NAA60: variants seen among roughly 807,000 people sequenced by gnomAD.
The protein encoded by NAA60 is N-alpha-acetyltransferase 60.
NAA60 carries 8 observed loss-of-function variants against 26.1 expected under a neutral mutation model. The observed-to-expected ratio is 0.31, with a 90% CI of 0.18 to 0.55. NAA60 has a LOEUF of 0.55. NAA60 is among the 20% of genes least tolerant of loss of function. The pLI, the probability that NAA60 is intolerant of heterozygous loss-of-function variation, is 0.93. For synonymous variants in NAA60, 131 were observed against 122.5 expected (o/e 1.07, Z -0.46); for missense variants, 290 against 311.3 (o/e 0.93, Z 0.51).
At chr16:3,457,774 C>T (rs931076777) in intron 2 of NAA60, among the ~76,000 whole-genome samples, 2 of 152,352 alleles carry the variant, frequency 1.3e-5, no homozygotes, top group South Asian at 2.1e-4. Flanking sequence ...GGCGTCCGCA[C>T]ACGCTAGGCC....
At chr16:3,449,992 C>A in intron 2 of NAA60, 1 of 398,130 alleles carries the variant, frequency 2.5e-6, no homozygotes, top group South Asian at 1.3e-4. Flanking sequence ...TCAGGTATGT[C>A]TTTATCAGCA....
At chr16:3,458,758 C>T (rs1165241641) in intron 2 of NAA60, among the ~76,000 whole-genome samples, 1 of 152,176 alleles carries the variant, frequency 6.6e-6, no homozygotes, top group African/African-American at 2.4e-5. Flanking sequence ...AAGACAAATT[C>T]CTTACGTTCC....
At chr16:3,475,756 C>G (rs991765258) in intron 2 of NAA60, among the ~76,000 whole-genome samples, 1 of 152,248 alleles carries the variant, frequency 6.6e-6, no homozygotes, top group Non-Finnish European at 1.5e-5. Flanking sequence ...CCCTGCAAAT[C>G]CAGCCGTTCA....
chr16:3,453,573 T>C (rs891063328), intron 2 of NAA60, among the ~76,000 whole-genome samples: 1 of 152,116 alleles, frequency 6.6e-6, no homozygotes, highest in Admixed American at 6.5e-5. Flanking sequence ...CACGCCTGGC[T>C]AATTTTGTAT....
intron 2 of NAA60, among the ~76,000 whole-genome samples, chr16:3,455,392 T>TTTG (rs1452262712): frequency 4.9e-5 from 7 of 143,422 alleles, no homozygotes; most frequent in South Asian, 2.3e-4. Flanking sequence ...TTTAGTTTTT[T>TTTG]TTTTTTTTTT....
intron 2 of NAA60, among the ~76,000 whole-genome samples, 199 bp from the exon 3 acceptor site, chr16:3,476,023 C>G (rs2036456722): frequency 6.6e-6 from 1 of 152,212 alleles, no homozygotes; most frequent in Non-Finnish European, 1.5e-5. Context: ...CCCTCCTGGG[C>G]CTGGGTCTTC....
chr16:3,448,556 C>G lies in NAA60; in HGVS notation c.-7+16C>G, dbSNP rs1180398003. On this transcript the variant is annotated intron_variant, in intron 2 of 7. Transcript: ENST00000407558. The stretch of plus-strand genomic sequence containing the variant: ...GCTCCAGAGAGTGAGTCAAAGCGCT[C>G]TGTGTCCTGCTATTAATGATGCCCT... The G allele has an allele frequency of 2.6e-6, 4 of 1,533,392 alleles. No homozygotes were observed. The highest frequency in any genetic ancestry group is 1.4e-5 in the African/African-American group (1 of 72,986). 95.0% of individuals were successfully genotyped at this position (1,533,392 alleles called of 1,614,324 possible).
At chr16:3,465,161 G>A (rs2035661566) in intron 2 of NAA60, among the ~76,000 whole-genome samples, 1 of 151,938 alleles carries the variant, frequency 6.6e-6, no homozygotes, top group Non-Finnish European at 1.5e-5. Flanking sequence ...CAGCTACTCG[G>A]GAGGCTGAGA....
At chr16:3,454,785 A>G (rs11077338) in intron 2 of NAA60, among the ~76,000 whole-genome samples, 13,485 of 152,242 alleles carry the variant, frequency 0.089, 843 homozygotes, top group South Asian at 0.17. Context: ...AACTCATCAC[A>G]GAGCCAAGGG....
intron 2 of NAA60, chr16:3,472,401 C>G (rs559742137): frequency 6.6e-6 from 1 of 152,256 alleles, no homozygotes; most frequent in South Asian, 2.1e-4. Context: ...TTTTCTTTAG[C>G]TTTTTGTTTT....
chr16:3,458,267 T>TC, intron 2 of NAA60: 1 of 865,476 alleles, frequency 1.2e-6, no homozygotes, highest in Non-Finnish European at 1.4e-6. Flanking sequence ...CGCGCCGGGG[T>TC]CAGGGGGGCC....
rs999632705 is a variant in NAA60, at chr16:3,485,066, G to A, written c.*206+5G>A. 5 of 1,441,806 alleles carry A rather than the reference G, an allele frequency of 3.5e-6. No homozygotes were observed. The highest frequency in any genetic ancestry group is 1.2e-5 in the South Asian group (1 of 81,406). 89.3% of individuals were successfully genotyped at this position (1,441,806 alleles called of 1,614,324 possible). On this transcript the variant is annotated splice_donor_5th_base_variant and intron_variant, in intron 7 of 7. Transcript: ENST00000407558. ...GAGCATGCCCATCCGTGGCAGGTAC[G>A]CCACAGCAGACACAAAGGTATGGGA... is the stretch of plus-strand genomic sequence containing the variant.
chr16:3,479,040 A>G (rs1400112980), intron 3 of NAA60, among the ~76,000 whole-genome samples: 1 of 152,154 alleles, frequency 6.6e-6, no homozygotes, highest in Non-Finnish European at 1.5e-5. Context: ...GTTTGAGACC[A>G]GCCTGACCAA....
chr16:3,468,716 AGGC>A (rs1451610384), intron 2 of NAA60, among the ~76,000 whole-genome samples: 7 of 152,218 alleles, frequency 4.6e-5, no homozygotes, highest in African/African-American at 1.7e-4. Flanking sequence ...CAGACCCAGG[AGGC>A]CAGCCAGGAG....
chr16:3,453,087 G>A (rs1436077016), intron 2 of NAA60, among the ~76,000 whole-genome samples: 1 of 152,118 alleles, frequency 6.6e-6, no homozygotes, highest in Admixed American at 6.6e-5. Context: ...GCAATCTAGG[G>A]TTTGTTTCCA....
At chr16:3,469,981 CTG>C (rs2036022834) in intron 2 of NAA60, among the ~76,000 whole-genome samples, 1 of 152,210 alleles carries the variant, frequency 6.6e-6, no homozygotes, top group African/African-American at 2.4e-5. Flanking sequence ...AGATGCTCCT[CTG>C]TGCGCCGGGC....
chr16:3,464,065 A>C (rs144440299), intron 2 of NAA60, among the ~76,000 whole-genome samples: 7,698 of 152,054 alleles, frequency 0.051, 625 homozygotes, highest in African/African-American at 0.17. Context: ...ACAGAGTCTC[A>C]CTCTGTTGCC....
At chr16:3,461,384 C>T (rs2035383996) in intron 2 of NAA60, among the ~76,000 whole-genome samples, 1 of 152,042 alleles carries the variant, frequency 6.6e-6, no homozygotes, top group South Asian at 2.1e-4. Flanking sequence ...GCCAGTCACC[C>T]CAAGGTGCCA....
At position 3,443,746 on chromosome 16, in the gene NAA60, G is replaced by A; in HGVS notation, c.-168G>A. ...GTTTGCCTGCTGAAGTAGAGTCTTA[G>A]GGTGACCCCAGGGGGACGTAATGTT... On this transcript the variant is annotated 5_prime_UTR_variant, in exon 1 of 8. Coordinates refer to ENST00000407558, the MANE Select transcript of NAA60 (RefSeq NM_001083601.3). The A allele has an allele frequency of 6.5e-7, 1 of 1,530,258 alleles. No individual in the cohort carries two copies. Among genetic ancestry groups the A allele is most frequent in the Non-Finnish European group, 8.7e-7 (1 of 1,143,912 alleles). 94.8% of individuals were successfully genotyped at this position (1,530,258 alleles called of 1,614,324 possible).
Sources: allele counts gnomAD v4.1 joint callset (sites outside exome capture counted in the v4.1 genomes callset), GRCh38; gene constraint gnomAD v4.1.1; transcripts MANE v1.5; gene names NCBI Gene and HGNC (gene_info 2026-07-23, HGNC 2026-07-21).